Variants in KSR2 observed in about 807,000 individuals in gnomAD.
KSR2 encodes kinase suppressor of ras 2.
KSR2 carries 25 observed loss-of-function variants against 107.8 expected under a neutral mutation model. The observed-to-expected ratio is 0.23, with a 90% confidence interval of 0.17 to 0.32. The LOEUF (loss-of-function observed/expected upper bound fraction) is 0.32. Ranked by LOEUF, KSR2 falls within the 10% of genes least tolerant of loss-of-function variation. KSR2 has a pLI of 1.00. For synonymous variants in KSR2, 480 were observed against 507.0 expected, an observed-to-expected ratio of 0.95 and a Z score of 0.71; for missense variants, 887 against 1,268.9, an observed-to-expected ratio of 0.70 and a Z score of 4.57.
chr12:117,830,161 G>A (rs1052394923), intron 3 of KSR2, among the ~76,000 whole-genome samples: 8 of 152,144 alleles, frequency 5.3e-5, no homozygotes, highest in East Asian at 1.9e-4. Flanking sequence ...CCAGCTACTC[G>A]GGAGGCTGGG....
chr12:117,924,572 C>CAAAAAAAAAAAAAAAA (rs58789868), intron 1 of KSR2, among the ~76,000 whole-genome samples: 9 of 39,526 alleles, frequency 2.3e-4, no homozygotes, highest in Admixed American at 3.1e-4. Flanking sequence ...AGCTCCATCT[C>CAAAAAAAAAAAAAAAA]AAAAAAAAAA....
In KSR2 at chr12:117,459,599, AAGATGAAAACTC is replaced by A. The variant is rs1279125302; in HGVS notation, c.*7588_*7599del. On this transcript the variant is annotated 3_prime_UTR_variant, in exon 20 of 20. Coordinates refer to ENST00000339824, the MANE Select transcript of KSR2 (RefSeq NM_173598.6). ...GATCACCATCCCAATGACTTGGTTGAAGATGAAAACTCAGGTGAAAACTTAACCCTTCTGAGG... is the reference window on the plus strand; with the variant it reads ...GATCACCATCCCAATGACTTGGTTGAAGGTGAAAACTTAACCCTTCTGAGG... 9.2e-5 allele frequency: 14 copies of A among 152,250 alleles called. No homozygotes were observed. Among genetic ancestry groups the A allele is most frequent in the Non-Finnish European group, 5.9e-5 (4 of 68,040 alleles). 9.4% of individuals were successfully genotyped at this position (152,250 alleles called of 1,614,324 possible).
At chr12:117,830,391 A>G (rs1296127014) in intron 3 of KSR2, among the ~76,000 whole-genome samples, 1 of 152,178 alleles carries the variant, frequency 6.6e-6, no homozygotes, top group East Asian at 1.9e-4. Flanking sequence ...AAAACAAACT[A>G]TTAAGCGCTA....
At chr12:117,643,011 A>G (rs923644728) in intron 5 of KSR2, among the ~76,000 whole-genome samples, 1 of 152,222 alleles carries the variant, frequency 6.6e-6, no homozygotes, top group South Asian at 2.1e-4. Context: ...GAGAGGTTTT[A>G]TTGCTAAATA....
At chr12:117,493,385 T>C (rs1339823085) in intron 14 of KSR2, among the ~76,000 whole-genome samples, 6 of 152,094 alleles carry the variant, frequency 3.9e-5, no homozygotes. Context: ...AGGTCCCATA[T>C]AGTCTGGCTC....
chr12:117,497,388 G>A (rs1261012470), intron 14 of KSR2, among the ~76,000 whole-genome samples: 2 of 152,114 alleles, frequency 1.3e-5, no homozygotes, highest in Non-Finnish European at 2.9e-5. Flanking sequence ...AGGCAGCAGG[G>A]GCCCCCTTCC....
chr12:117,559,455 A>T (rs111856046), intron 7 of KSR2, among the ~76,000 whole-genome samples: 1 of 152,172 alleles, frequency 6.6e-6, no homozygotes, highest in East Asian at 1.9e-4. Context: ...TCTTCGTAAC[A>T]ACTTCACGAA....
chr12:117,597,070 G>A (rs1351854001), intron 5 of KSR2, among the ~76,000 whole-genome samples: 1 of 152,086 alleles, frequency 6.6e-6, no homozygotes, highest in Non-Finnish European at 1.5e-5. Flanking sequence ...CCCGTGCAAG[G>A]GCATGGAAAA....
At chr12:117,656,991 T>TATATATATATATATAATAGG (rs1884204268) in intron 5 of KSR2, among the ~76,000 whole-genome samples, 1 of 107,304 alleles carries the variant, frequency 9.3e-6, no homozygotes, top group African/African-American at 4.6e-5. Flanking sequence ...GATATATATA[T>TATATATATATATATAATAGG]ATATATATAT....
chr12:117,914,503 T>C (rs1335450186), intron 1 of KSR2, among the ~76,000 whole-genome samples: 1 of 151,784 alleles, frequency 6.6e-6, no homozygotes, highest in African/African-American at 2.4e-5. Flanking sequence ...TAGCACTTAG[T>C]GTTTGGAAAA....
Sources: allele counts gnomAD v4.1 joint callset (sites outside exome capture counted in the v4.1 genomes callset), GRCh38; gene constraint gnomAD v4.1.1; transcripts MANE v1.5; gene names NCBI Gene and HGNC (gene_info 2026-07-23, HGNC 2026-07-21).